Variants in SDK2 observed in about 807,000 individuals in gnomAD.
SDK2 encodes the protein sidekick cell adhesion molecule 2.
Under a neutral mutation model 253.9 loss-of-function variants are expected in SDK2, and 105 were observed. The ratio of observed to expected loss-of-function variants is 0.41; its 90% confidence interval spans 0.35 to 0.49. SDK2 has a LOEUF of 0.49. SDK2 is among the 20% of genes least tolerant of loss of function. The pLI, the probability that SDK2 is intolerant of heterozygous loss-of-function variation, is 0.06. For synonymous variants in SDK2, 1,249 were observed against 1,234.9 expected (o/e 1.01, Z -0.24); for missense variants, 2,608 against 3,003.0 (o/e 0.87, Z 3.07).
intron 1 of SDK2, among the ~76,000 whole-genome samples, chr17:73,637,071 C>A (rs2046341518): frequency 6.6e-6 from 1 of 152,186 alleles, no homozygotes; most frequent in Non-Finnish European, 1.5e-5. Context: ...ATACATACCA[C>A]TTCTTAACAG....
intron 1 of SDK2, among the ~76,000 whole-genome samples, chr17:73,530,333 G>GGA (rs1182007727): frequency 3.3e-5 from 5 of 152,176 alleles, no homozygotes; most frequent in East Asian, 1.9e-4. Context: ...CATGGTAGCA[G>GGA]GAGAGAGAGA....
chr17:73,409,713 T>C (rs2063109901), intron 18 of SDK2, among the ~76,000 whole-genome samples: 2 of 152,206 alleles, frequency 1.3e-5, no homozygotes, highest in Admixed American at 6.5e-5. Flanking sequence ...ACACTGCTTT[T>C]TTCTCCTTGT....
At chr17:73,502,084 TAC>T (rs5821971) in intron 2 of SDK2, among the ~76,000 whole-genome samples, 2,223 of 26,178 alleles carry the variant, frequency 0.085, 18 homozygotes, top group Middle Eastern at 0.14. Flanking sequence ...GTAGTGCACA[TAC>T]ACACACACAC....
At chr17:73,499,859 C>CTG (rs59872387) in intron 2 of SDK2, among the ~76,000 whole-genome samples, 16 of 145,714 alleles carry the variant, frequency 1.1e-4, no homozygotes, top group African/African-American at 3.3e-4. Flanking sequence ...GCATGGGAAT[C>CTG]TGTGTGTGTG....
intron 2 of SDK2, among the ~76,000 whole-genome samples, chr17:73,484,853 T>G (rs2063760236): frequency 6.6e-6 from 1 of 152,206 alleles, no homozygotes. Context: ...GGGATCTCAC[T>G]ATGTTGTCCA....
chr17:73,501,844 AATTCTCTGAT>A (rs1373363205), intron 2 of SDK2, among the ~76,000 whole-genome samples: 2 of 152,204 alleles, frequency 1.3e-5, no homozygotes, highest in Non-Finnish European at 2.9e-5. Flanking sequence ...TCCTTACAAT[AATTCTCTGAT>A]GCAGGCATTA....
In SDK2 at chr17:73,451,935, G is replaced by A. The variant is rs188510645; in HGVS notation, c.479+3971C>T. Among the ~76,000 whole-genome samples the A allele has an allele frequency of 1.8e-3, 267 of 152,194 alleles. 1 individual carries two copies. The highest frequency in any genetic ancestry group is 6.8e-3 in the Middle Eastern group (2 of 294). ...ACACAGACAGCAGAATTCAACTCTT[G>A]GGCAGGGGCTGGATTCCATTTTTCA... On this transcript the variant is annotated intron_variant, in intron 4 of 44. Coordinates refer to ENST00000392650, the MANE Select transcript of SDK2 (RefSeq NM_001144952.2).
Position 73,348,607 on chromosome 17 carries a change from C to T in SDK2, c.6157G>A (p.Asp2053Asn), listed in dbSNP as rs761734155. ...GGCCCTCCTGCCCTCACCTGAGAGTCGGAGATTTCTGAGGGCTTCTCCGTC... is the reference window on the plus strand; with the variant it reads ...GGCCCTCCTGCCCTCACCTGAGAGTTGGAGATTTCTGAGGGCTTCTCCGTC... ...SLTEKPSEIS[D>N]SQGSDSEYEV... Residue 2053 changes from aspartate to asparagine, a missense_variant, in exon 44 of 45, where the codon GAC becomes AAC. Around this residue, in one of 2 missense-constraint regions of SDK2, gnomAD observed 1,103 missense variants for 1,143.9 expected, o/e 0.96. Coordinates refer to ENST00000392650, the MANE Select transcript of SDK2 (RefSeq NM_001144952.2). 156 of 1,612,492 alleles carry T rather than the reference C, an allele frequency of 9.7e-5. No individual in the cohort carries two copies. The highest frequency in any genetic ancestry group is 1.2e-4 in the Non-Finnish European group (141 of 1,179,660).
chr17:73,607,459 C>T, intron 1 of SDK2, among the ~76,000 whole-genome samples: 1 of 152,022 alleles, frequency 6.6e-6, no homozygotes, highest in East Asian at 1.9e-4. Flanking sequence ...ACCGGGGGAC[C>T]CTTAAGACAA....
rs753609924 is a variant in SDK2 at position 73,348,661 on chromosome 17, C to A, written c.6103G>T (p.Asp2035Tyr). 2.5e-6 allele frequency: 4 copies of A among 1,612,652 alleles called. No individual in the cohort carries two copies. Among genetic ancestry groups the A allele is most frequent in the South Asian group, 1.1e-5 (1 of 91,018 alleles). ...CTGCTGCTCTCTGCAGGGATGAGGTCGTTGTATTTGGTGACATCCTCATCC... is the reference window on the plus strand; with the variant it reads ...CTGCTGCTCTCTGCAGGGATGAGGTAGTTGTATTTGGTGACATCCTCATCC... ...YSDEDVTKYN[D>Y]LIPAESSSLT... The change falls in exon 44 of 45, where the codon GAC becomes TAC. Residue 2035 changes from aspartate to tyrosine, a missense_variant. By Grantham distance (160) the Asp-to-Tyr change is radical (BLOSUM62 -3). Coordinates refer to ENST00000392650, the MANE Select transcript of SDK2 (RefSeq NM_001144952.2).
At chr17:73,592,743 G>A (rs1441835687) in intron 1 of SDK2, among the ~76,000 whole-genome samples, 2 of 152,294 alleles carry the variant, frequency 1.3e-5, no homozygotes, top group South Asian at 2.1e-4. Flanking sequence ...ACACCCTGGC[G>A]GCTCCCCATT....
intron 1 of SDK2, among the ~76,000 whole-genome samples, chr17:73,594,903 A>G (rs2045733344): frequency 6.6e-6 from 1 of 151,782 alleles, no homozygotes. Flanking sequence ...CACATATACA[A>G]ATACACACAG....
chr17:73,361,637 C>A lies in SDK2; in HGVS notation c.5467+47G>T. 6.3e-7 allele frequency: 1 copy of A among 1,580,998 alleles called. No individual in the cohort carries two copies. The highest frequency in any genetic ancestry group is 8.7e-7 in the Non-Finnish European group (1 of 1,155,032). On this transcript the variant is annotated intron_variant, in intron 39 of 44. Coordinates refer to ENST00000392650, the MANE Select transcript of SDK2 (RefSeq NM_001144952.2). The surrounding 1 kb of genome is among the most constrained non-coding windows in gnomAD (Gnocchi z 4.1). ...ACCGGGGGCCCCTTCTGACTGGGGACGCTGAACCGCCGTGTGGAAGACATG... is the reference window on the plus strand; with the variant it reads ...ACCGGGGGCCCCTTCTGACTGGGGAAGCTGAACCGCCGTGTGGAAGACATG...
intron 2 of SDK2, among the ~76,000 whole-genome samples, chr17:73,497,630 T>C (rs1437433592): frequency 6.6e-6 from 1 of 151,486 alleles, no homozygotes; most frequent in East Asian, 1.9e-4. Context: ...CAGTTATCCC[T>C]CCTCAATGCA....
rs186705830 is a variant in SDK2 at position 73,609,131 on chromosome 17, A to G, written c.64+34894T>C. 2.2e-4 allele frequency among the ~76,000 whole-genome samples: 33 copies of G among 152,258 alleles called. No individual in the cohort carries two copies. In the Middle Eastern group the frequency reaches 0.017, roughly 78 times the overall value. On this transcript the variant is annotated intron_variant, in intron 1 of 44. Transcript: ENST00000392650. This position sits in a 1 kb window ranked among gnomAD's most constrained non-coding sequence, Gnocchi z 4.4. ...GAAAGCCTTTTTGGGGAAGATCAGG[A>G]GTTTGCAAGACCTTGTGTGTGTTCA...
rs370959464 is a variant in SDK2 at position 73,553,734 on chromosome 17, G to A, written c.65-46137C>T. ...CTTGTTACAGCATAGCCTTCACCCA[G>A]GGATGCCAGTCACCCCCTTCCTGAG... On this transcript the variant is annotated intron_variant, in intron 1 of 44. Transcript: ENST00000392650. 2.0e-4 allele frequency among the ~76,000 whole-genome samples: 31 copies of A among 152,166 alleles called. 2 individuals carry two copies. Among genetic ancestry groups the A allele is most frequent in the Admixed American group, 1.6e-3 (24 of 15,280 alleles).
chr17:73,426,297 C>A (rs1265013850), intron 12 of SDK2, among the ~76,000 whole-genome samples: 2 of 142,662 alleles, frequency 1.4e-5, no homozygotes, highest in African/African-American at 5.2e-5. Flanking sequence ...GAACTCCTGA[C>A]CTCAGGTGAT....
At chr17:73,388,094 G>T in intron 29 of SDK2, 57 bp from the exon 30 acceptor site, 3 of 1,245,660 alleles carry the variant, frequency 2.4e-6, no homozygotes, top group South Asian at 2.6e-5. Context: ...GGTGGAGGGG[G>T]CTGGACTTTC....
chr17:73,458,905 G>A (rs545787479), intron 3 of SDK2, among the ~76,000 whole-genome samples: 40 of 152,328 alleles, frequency 2.6e-4, no homozygotes, highest in African/African-American at 8.9e-4. Flanking sequence ...TCGGGAGGCT[G>A]AGGTAGGAGA....
Sources: allele counts gnomAD v4.1 joint callset (sites outside exome capture counted in the v4.1 genomes callset), GRCh38; gene constraint gnomAD v4.1.1; regional missense constraint gnomAD v4.1.1; non-coding constraint Gnocchi (gnomAD v3.1); transcripts MANE v1.5; gene names NCBI Gene and HGNC (gene_info 2026-07-23, HGNC 2026-07-21).